ARHGEF4: variants seen among roughly 807,000 people sequenced by gnomAD.
ARHGEF4 encodes APC-stimulated guanine nucleotide exchange factor 1.
A neutral mutation model predicts 162.0 loss-of-function variants in ARHGEF4; 119 were observed. The ratio of observed to expected loss-of-function variants is 0.73; its 90% CI spans 0.63 to 0.86. The LOEUF is 0.86. Among genes scored for constraint, ARHGEF4 ranks in the 40% least tolerant of loss-of-function variants. ARHGEF4 has a pLI of 0.00. For synonymous variants in ARHGEF4, 1,014 were observed against 979.9 expected (o/e 1.03, Z -0.65); for missense variants, 2,488 against 2,456.0 (o/e 1.01, Z -0.28).
chr2:130,954,881 T>C (rs1246545856), intron 4 of ARHGEF4, among the ~76,000 whole-genome samples: 1 of 152,198 alleles, frequency 6.6e-6, no homozygotes, highest in Non-Finnish European at 1.5e-5. Flanking sequence ...CCCCTTCCCC[T>C]TTTTCTCTCT....
At chr2:130,873,327 G>A (rs898605546) in intron 1 of ARHGEF4, among the ~76,000 whole-genome samples, 9 of 152,168 alleles carry the variant, frequency 5.9e-5, no homozygotes, top group African/African-American at 1.9e-4. Flanking sequence ...CGGTGGCCAC[G>A]CCTGTAATCC....
At chr2:130,917,890 T>G (rs1444988314) in intron 2 of ARHGEF4, among the ~76,000 whole-genome samples, 2 of 148,402 alleles carry the variant, frequency 1.3e-5, no homozygotes, top group Non-Finnish European at 3.0e-5. Context: ...TCGCTCCATC[T>G]CGGCTCACCG....
intron 1 of ARHGEF4, among the ~76,000 whole-genome samples, chr2:130,839,818 C>T (rs1051293606): frequency 6.6e-6 from 1 of 152,194 alleles, no homozygotes; most frequent in African/African-American, 2.4e-5. Flanking sequence ...CTGGAGCCGT[C>T]ACTGAAGTGG....
chr2:130,868,565 C>T lies in ARHGEF4; in HGVS notation c.39+31573C>T, dbSNP rs766996329. ...ATACAAGCTAAGGATTTCATACTGT[C>T]GTGGCACTGTGTGCAGCAGAACATC... On this transcript the variant is annotated intron_variant, in intron 1 of 13. Transcript: ENST00000409359. Among the ~76,000 whole-genome samples the T allele has an allele frequency of 4.6e-5, 7 of 152,016 alleles. No individual in the cohort carries two copies. The East Asian group carries it at 7.7e-4, about 17-fold the overall frequency.
intron 4 of ARHGEF4, among the ~76,000 whole-genome samples, chr2:130,988,895 TATATATAGAGAGAGAGAG>T (rs1470291526): frequency 2.0e-4 from 22 of 109,100 alleles, no homozygotes; most frequent in South Asian, 1.1e-3. Flanking sequence ...TATATATATA[TATATATAGAGAGAGAGAG>T]AGAGAGAGAG....
intron 1 of ARHGEF4, among the ~76,000 whole-genome samples, chr2:130,845,386 T>C (rs536146801): frequency 8.5e-5 from 13 of 152,070 alleles, no homozygotes; most frequent in African/African-American, 3.1e-4. Flanking sequence ...TGCACACACC[T>C]GTAGTCCCAG....
intron 4 of ARHGEF4, among the ~76,000 whole-genome samples, chr2:131,017,175 T>C (rs553064259): frequency 6.6e-6 from 1 of 152,336 alleles, no homozygotes; most frequent in Non-Finnish European, 1.5e-5. Context: ...GGTCCCATCC[T>C]TTAACGCTTT....
chr2:130,849,863 C>T (rs1405319235), intron 1 of ARHGEF4, among the ~76,000 whole-genome samples: 1 of 152,182 alleles, frequency 6.6e-6, no homozygotes, highest in Non-Finnish European at 1.5e-5. Context: ...CCTTACCCAG[C>T]CTAGGATACA....
chr2:131,010,491 TTGAG>T (rs1688376923), intron 4 of ARHGEF4, among the ~76,000 whole-genome samples: 1 of 152,144 alleles, frequency 6.6e-6, no homozygotes, highest in Non-Finnish European at 1.5e-5. Context: ...ATTTTATTCA[TTGAG>T]TGATTGAGAG....
chr2:130,872,108 C>T (rs999162681), intron 1 of ARHGEF4, among the ~76,000 whole-genome samples: 17 of 152,268 alleles, frequency 1.1e-4, no homozygotes, highest in African/African-American at 3.9e-4. Context: ...AAACTGTTAG[C>T]TCCTTCCTCT....
At position 130,915,686 on chromosome 2, in the gene ARHGEF4, A is replaced by G. The variant is rs77678686; in HGVS notation, c.1740A>G (p.Glu580=). 57,195 of 1,550,480 alleles carry G rather than the reference A, an allele frequency of 0.037. 1,252 individuals carry two copies. The highest frequency in any genetic ancestry group is 0.061 in the Middle Eastern group (367 of 5,986). The stretch of plus-strand genomic sequence containing the variant: ...TGGTTCTAGACCCCAACTACAGGGA[A>G]CAGGCTTTGCAAGGTCTTTCAGAAT... ...EAMVLDPNYR[E]QALQGLSEFK... is the part of the protein sequence containing the mutation. The change falls in exon 2 of 14, where the codon GAA becomes GAG. Residue 580 remains glutamate, a synonymous_variant. Transcript: ENST00000409359.
At chr2:130,980,134 T>C (rs1686029189) in intron 4 of ARHGEF4, among the ~76,000 whole-genome samples, 1 of 152,172 alleles carries the variant, frequency 6.6e-6, no homozygotes, top group Non-Finnish European at 1.5e-5. Flanking sequence ...TGGTGGCTCA[T>C]GCTTGTATCC....
At chr2:131,045,278 G>A in intron 12 of ARHGEF4, 91 bp from the exon 13 acceptor site, 1 of 1,218,028 alleles carries the variant, frequency 8.2e-7, no homozygotes. Context: ...TACATGATGA[G>A]ACCCTGGGCA....
chr2:130,985,210 A>G (rs1255155963), intron 4 of ARHGEF4, among the ~76,000 whole-genome samples: 1 of 152,300 alleles, frequency 6.6e-6, no homozygotes, highest in East Asian at 1.9e-4. Flanking sequence ...GCAAAGCCAA[A>G]GAGAGATGGA....
At chr2:130,893,024 C>T (rs373186580) in intron 1 of ARHGEF4, among the ~76,000 whole-genome samples, 12 of 152,238 alleles carry the variant, frequency 7.9e-5, no homozygotes, top group East Asian at 1.9e-4. Flanking sequence ...AGGTTGAGGC[C>T]AGACCGCTGA....
Position 130,915,489 on chromosome 2 carries a change from G to A in ARHGEF4, c.1543G>A (p.Glu515Lys). 6.4e-7 allele frequency: 1 copy of A among 1,550,580 alleles called. No homozygotes were observed. The highest frequency in any genetic ancestry group is 8.7e-7 in the Non-Finnish European group (1 of 1,147,012). The change falls in exon 2 of 14, where the codon GAA (glutamate) becomes AAA (lysine). Residue 515 changes from glutamate (E) to lysine (K), a missense_variant. Coordinates refer to ENST00000409359, the MANE Select transcript of ARHGEF4 (RefSeq NM_001367493.1). ...CACATCAAAGTATGTGCTCAGCGAG[G>A]AAAGCAAGTCACCTACCAGGGCCAA... ...NYTSKYVLSEESKSPTRAKFP... is the reference protein window; with the variant it reads ...NYTSKYVLSEKSKSPTRAKFP...
At chr2:130,839,039 G>A (rs1680417433) in intron 1 of ARHGEF4, among the ~76,000 whole-genome samples, 1 of 152,082 alleles carries the variant, frequency 6.6e-6, no homozygotes, top group African/African-American at 2.4e-5. Context: ...AGACACCTGA[G>A]GCCTCCCCAT....
At chr2:130,866,156 A>G (rs1192941694) in intron 1 of ARHGEF4, among the ~76,000 whole-genome samples, 1 of 152,170 alleles carries the variant, frequency 6.6e-6, no homozygotes, top group Non-Finnish European at 1.5e-5. Flanking sequence ...GGATTGCTTA[A>G]GGCCAAGAGT....
intron 4 of ARHGEF4, among the ~76,000 whole-genome samples, chr2:131,003,392 C>T (rs574199215): frequency 6.6e-6 from 1 of 152,232 alleles, no homozygotes; most frequent in African/African-American, 2.4e-5. Flanking sequence ...TTTCTTCCTT[C>T]TTGATCGTGA....
Sources: allele counts gnomAD v4.1 joint callset (sites outside exome capture counted in the v4.1 genomes callset), GRCh38; gene constraint gnomAD v4.1.1; transcripts MANE v1.5; gene names NCBI Gene and HGNC (gene_info 2026-07-23, HGNC 2026-07-21).